The following BLTP3B variants were observed in gnomAD, a reference collection of about 807,000 sequenced individuals.
BLTP3B encodes UHRF1 (ICBP90) binding protein 1-like.
At chr12:100,110,942 G>A in the BLTP3B span, among the ~76,000 whole-genome samples, 1 of 152,246 alleles carries the variant, frequency 6.6e-6, no homozygotes, top group South Asian at 2.1e-4. Flanking sequence ...TCTTGGGCAT[G>A]GAGGAATATG....
chr12:100,111,745 A>T, the BLTP3B span, among the ~76,000 whole-genome samples: 1 of 152,102 alleles, frequency 6.6e-6, no homozygotes, highest in African/African-American at 2.4e-5. Context: ...AGCTGGGATG[A>T]CAGGCACGCA....
At chr12:100,106,107 G>A in the BLTP3B span, among the ~76,000 whole-genome samples, 3 of 152,138 alleles carry the variant, frequency 2.0e-5, no homozygotes, top group Non-Finnish European at 4.4e-5. Context: ...ACTGCTGGTA[G>A]GAATATAAGT....
chr12:100,094,358 G>A, the BLTP3B span, among the ~76,000 whole-genome samples: 2 of 152,030 alleles, frequency 1.3e-5, no homozygotes, highest in Non-Finnish European at 2.9e-5. Flanking sequence ...TAAACCTCCT[G>A]CCTCAGCCTC....
the BLTP3B span, chr12:100,059,307 A>G: frequency 6.2e-7 from 1 of 1,614,052 alleles, no homozygotes; most frequent in Non-Finnish European, 8.5e-7. Context: ...ATGTCTCTGG[A>G]AAATTGGATG....
At chr12:100,115,900 G>T in the BLTP3B span, among the ~76,000 whole-genome samples, 1 of 152,296 alleles carries the variant, frequency 6.6e-6, no homozygotes, top group African/African-American at 2.4e-5. Context: ...ATCTAGGCCA[G>T]GCGAGGTGGC....
the BLTP3B span, among the ~76,000 whole-genome samples, chr12:100,111,825 C>T: frequency 6.6e-6 from 1 of 152,070 alleles, no homozygotes; most frequent in African/African-American, 2.4e-5. Flanking sequence ...AGGCTGGTCT[C>T]TAACTCCCGA....
the BLTP3B span, among the ~76,000 whole-genome samples, chr12:100,063,647 G>C: frequency 6.6e-6 from 1 of 151,098 alleles, no homozygotes; most frequent in African/African-American, 2.4e-5. Flanking sequence ...CGAAGGTTGC[G>C]GTAAGCCTAG....
At chr12:100,082,291 T>C in the BLTP3B span, among the ~76,000 whole-genome samples, 1 of 152,240 alleles carries the variant, frequency 6.6e-6, no homozygotes, top group African/African-American at 2.4e-5. Context: ...TCCTTATAGG[T>C]TCTGGATATT....
chr12:100,084,256 G>A, the BLTP3B span, among the ~76,000 whole-genome samples: 2 of 151,820 alleles, frequency 1.3e-5, no homozygotes, highest in Non-Finnish European at 2.9e-5. Flanking sequence ...CTTTGCGGAG[G>A]GCCAAGGTGG....
the BLTP3B span, among the ~76,000 whole-genome samples, chr12:100,083,789 T>A: frequency 6.6e-6 from 1 of 152,174 alleles, no homozygotes; most frequent in Non-Finnish European, 1.5e-5. Flanking sequence ...GAAAAATTCT[T>A]CCTGGGTGTG....
chr12:100,098,935 C>T, the BLTP3B span, among the ~76,000 whole-genome samples: 1,767 of 109,348 alleles, frequency 0.016, 17 homozygotes, highest in East Asian at 0.039. Flanking sequence ...GATAGATAGA[C>T]AGACAGACAC....
chr12:100,107,292 A>AAAAC, the BLTP3B span, among the ~76,000 whole-genome samples: 1 of 139,774 alleles, frequency 7.2e-6, no homozygotes, highest in African/African-American at 2.8e-5. Flanking sequence ...CATCTCCCAA[A>AAAAC]AAAAAAAAAA....
chr12:100,083,038 A>G, the BLTP3B span: 1 of 1,613,536 alleles, frequency 6.2e-7, no homozygotes, highest in Non-Finnish European at 8.5e-7. Context: ...GAAATCTGCA[A>G]GTCTAACCAC....
the BLTP3B span, chr12:100,098,410 G>A: frequency 9.9e-6 from 16 of 1,613,690 alleles, no homozygotes; most frequent in Non-Finnish European, 1.1e-5. Flanking sequence ...TTCCCAGTGT[G>A]CATTTACACT....
the BLTP3B span, chr12:100,047,758 T>C: frequency 1.7e-5 from 18 of 1,054,434 alleles, no homozygotes; most frequent in Non-Finnish European, 2.5e-5. Context: ...CTGCCTGTTA[T>C]ATTTTGCCTG....
chr12:100,061,442 G>A, the BLTP3B span, among the ~76,000 whole-genome samples: 1 of 152,126 alleles, frequency 6.6e-6, no homozygotes, highest in Non-Finnish European at 1.5e-5. Flanking sequence ...TGGATCACGA[G>A]GTCAGGAGAT....
chr12:100,135,669 T>C, the BLTP3B span, among the ~76,000 whole-genome samples: 1 of 152,222 alleles, frequency 6.6e-6, no homozygotes, highest in Non-Finnish European at 1.5e-5. Context: ...CCTATGTTAC[T>C]TTTTCAGTAG....
At chr12:100,098,981 G>A in the BLTP3B span, among the ~76,000 whole-genome samples, 1 of 146,210 alleles carries the variant, frequency 6.8e-6, no homozygotes, top group African/African-American at 2.7e-5. Flanking sequence ...TAGATAATTT[G>A]CACGTCACCA....
chr12:100,069,294 G>T, the BLTP3B span, among the ~76,000 whole-genome samples: 4 of 152,040 alleles, frequency 2.6e-5, no homozygotes, highest in African/African-American at 4.8e-5. Flanking sequence ...AGGAAAAGAA[G>T]TCATTATATG....
Sources: gnomAD v4.1 joint callset for allele counts (sites outside exome capture counted in the v4.1 genomes callset) on GRCh38, gnomAD v4.1.1 for gene constraint, MANE v1.5 for transcripts, NCBI Gene and HGNC (gene_info 2026-07-23, HGNC 2026-07-21) for gene names.